MPDZ: variants seen among roughly 807,000 people sequenced by gnomAD.
MPDZ encodes multiple PDZ domain protein.
MPDZ carries 234 observed loss-of-function variants against 239.1 expected under a neutral mutation model. The observed-to-expected ratio is 0.98, with a 90% CI of 0.88 to 1.09. The LOEUF (loss-of-function observed/expected upper bound fraction) is 1.09. Ranked by LOEUF, MPDZ falls within the 50% of genes least tolerant of loss-of-function variation. The pLI is 0.00. For missense variants in MPDZ, 3,175 were observed against 2,510.0 expected (o/e 1.26, Z -5.66); for synonymous variants, 1,048 against 881.3 (o/e 1.19, Z -3.35).
In MPDZ at chr9:13,189,009, A is replaced by C. The variant is rs199687155; in HGVS notation, c.2155-16T>G. 6.2e-7 allele frequency: 1 copy of C among 1,605,784 alleles called. No individual in the cohort carries two copies. Among genetic ancestry groups the C allele is most frequent in the Non-Finnish European group, 8.5e-7 (1 of 1,174,426 alleles). The stretch of plus-strand genomic sequence containing the variant: ...CAATTGGATCCTGACAGAAGGCAAA[A>C]GGAAAGAGTCAGCTCATTTTACAAA... On this transcript the variant is annotated splice_polypyrimidine_tract_variant and intron_variant, in intron 16 of 46. Coordinates refer to ENST00000319217, the MANE Select transcript of MPDZ (RefSeq NM_001378778.1).
chr9:13,261,629 G>A (rs1457993405), intron 1 of MPDZ, among the ~76,000 whole-genome samples: 1 of 152,052 alleles, frequency 6.6e-6, no homozygotes, highest in African/African-American at 2.4e-5. Flanking sequence ...AAAGGGCAGG[G>A]AAGCTCCTAC....
intron 16 of MPDZ, 55 bp downstream of exon 16, chr9:13,190,059 T>A (rs1954684168): frequency 2.7e-6 from 4 of 1,494,322 alleles, no homozygotes. Context: ...CATCTGCTTT[T>A]TCTTTGATAG....
At chr9:13,121,631 C>G (rs1944363916) in intron 38 of MPDZ, 108 bp downstream of exon 38, 5 of 1,157,474 alleles carry the variant, frequency 4.3e-6, no homozygotes. Flanking sequence ...CAGCTACCTA[C>G]TGAACACTAG....
chr9:13,165,418 G>A (rs1950955742), intron 22 of MPDZ: 1 of 1,549,006 alleles, frequency 6.5e-7, no homozygotes, highest in Non-Finnish European at 8.7e-7. Flanking sequence ...TCTAGAATGT[G>A]AAGCATACGC....
chr9:13,117,392 G>A lies in MPDZ; in HGVS notation c.5380-2058C>T, dbSNP rs1040755854. ...CAAAAATACAAAAAATTAGCTGGGC[G>A]TGGTGGCAGGCGCCTGTAGTCCCAG... On this transcript the variant is annotated intron_variant, in intron 39 of 46. Transcript: ENST00000319217. Among the ~76,000 whole-genome samples, 10 of 151,982 alleles carry A rather than the reference G, an allele frequency of 6.6e-5. No homozygotes were observed. The South Asian group carries it at 1.0e-3, about 16-fold the overall frequency.
intron 21 of MPDZ, among the ~76,000 whole-genome samples, chr9:13,171,209 C>G (rs1224890586): frequency 6.6e-6 from 1 of 152,098 alleles, no homozygotes; most frequent in Non-Finnish European, 1.5e-5. Flanking sequence ...AAAATTTAGT[C>G]ACAAAACTAA....
chr9:13,129,715 G>T (rs1029982912), intron 32 of MPDZ, among the ~76,000 whole-genome samples: 3 of 151,832 alleles, frequency 2.0e-5, no homozygotes, highest in South Asian at 2.1e-4. Context: ...ATTTTTGTGG[G>T]TTTTTTTCTG....
chr9:13,168,478 T>C lies in MPDZ; in HGVS notation c.3142A>G (p.Ile1048Val). Residue 1048 changes from isoleucine to valine, a missense_variant, in exon 22 of 47, where the codon ATT becomes GTT. Ile to Val is a conservative substitution (Grantham distance 29). Coordinates refer to ENST00000319217, the MANE Select transcript of MPDZ (RefSeq NM_001378778.1). Reference sequence around the variant, plus strand: ...GACAAGATGCAGTCCCCAATGGCAATCCGGCCATCTCGACTAATGGCACCT... The same window carrying C: ...GACAAGATGCAGTCCCCAATGGCAACCCGGCCATCTCGACTAATGGCACCT... ...HGGAISRDGR[I>V]AIGDCILSIN... The C allele has an allele frequency of 1.2e-6, 2 of 1,613,494 alleles. No homozygotes were observed. Among genetic ancestry groups the C allele is most frequent in the South Asian group, 2.2e-5 (2 of 91,046 alleles).
In MPDZ at chr9:13,221,485, T is replaced by C. The variant is rs759250710; in HGVS notation, c.763A>G (p.Met255Val). 18 of 1,610,604 alleles carry C rather than the reference T, an allele frequency of 1.1e-5. No homozygotes were observed. Among genetic ancestry groups the C allele is most frequent in the South Asian group, 7.7e-5 (7 of 90,780 alleles). The part of the protein sequence containing the change: ...AHSNPVHWQH[M>V]ETIELVNDGS... ...TCATTCACCAATTCAATCGTTTCCA[T>C]GTGTTGCCAGTGAACCTACAAACAA... Residue 255 changes from methionine to valine, a missense_variant, in exon 7 of 47, where the codon ATG (methionine) becomes GTG (valine). Transcript: ENST00000319217.
intron 3 of MPDZ, among the ~76,000 whole-genome samples, chr9:13,241,656 A>G (rs1447446547): frequency 6.6e-6 from 1 of 152,230 alleles, no homozygotes; most frequent in African/African-American, 2.4e-5. Flanking sequence ...CAAACAAAAC[A>G]GTATCTTTCT....
At chr9:13,250,188 A>T in intron 2 of MPDZ, 112 bp downstream of exon 2, 1 of 1,000,116 alleles carries the variant, frequency 1.0e-6, no homozygotes, top group Non-Finnish European at 1.5e-6. Flanking sequence ...AAACTTTTTA[A>T]ATCTAGATAC....
At chr9:13,184,461 G>T (rs1041945760) in intron 18 of MPDZ, among the ~76,000 whole-genome samples, 1 of 151,690 alleles carries the variant, frequency 6.6e-6, no homozygotes, top group African/African-American at 2.4e-5. Flanking sequence ...GGAGAAGTTA[G>T]AAGAATTATA....
chr9:13,220,419 G>A (rs1036268750), intron 7 of MPDZ, among the ~76,000 whole-genome samples: 2 of 151,924 alleles, frequency 1.3e-5, no homozygotes, highest in Non-Finnish European at 2.9e-5. Context: ...CTGAGAAGCT[G>A]AACTTGTAAT....
intron 12 of MPDZ, among the ~76,000 whole-genome samples, chr9:13,202,679 G>T (rs1054316486): frequency 1.3e-5 from 2 of 152,182 alleles, no homozygotes; most frequent in African/African-American, 4.8e-5. Context: ...TGGAGAGAAT[G>T]AATGTCTACC....
At position 13,222,286 on chromosome 9, in the gene MPDZ, T is replaced by C. The variant is rs200362856; in HGVS notation, c.694A>G (p.Ile232Val). 54 of 1,612,846 alleles carry C rather than the reference T, an allele frequency of 3.3e-5. No individual in the cohort carries two copies. The highest frequency in any genetic ancestry group is 1.3e-4 in the South Asian group (12 of 91,036). ...RGSLPQLVSP[I>V]VSRSPSAAST... is the part of the protein sequence containing the mutation. ...GCTGCAGATGGAGAACGGGAAACTA[T>C]GGGGCTGACAAGCTGAGGCAATGAG... is the stretch of plus-strand genomic sequence containing the variant. The change falls in exon 6 of 47, where the codon ATA becomes GTA. Residue 232 changes from isoleucine to valine, a missense_variant. Transcript: ENST00000319217.
chr9:13,143,709 A>G, intron 26 of MPDZ, 145 bp from the exon 27 acceptor site: 1 of 674,902 alleles, frequency 1.5e-6, no homozygotes. Flanking sequence ...CAACATCTTA[A>G]AACAGTCTGG....
intron 1 of MPDZ, among the ~76,000 whole-genome samples, chr9:13,257,059 C>G (rs1161455467): frequency 6.6e-6 from 1 of 152,110 alleles, no homozygotes; most frequent in Non-Finnish European, 1.5e-5. Context: ...AAATCTGGTA[C>G]AGAAAAAATA....
Position 13,147,628 on chromosome 9 carries a change from G to A in MPDZ, c.3661C>T (p.His1221Tyr). 6.2e-7 allele frequency: 1 copy of A among 1,612,206 alleles called. No homozygotes were observed. The highest frequency in any genetic ancestry group is 8.5e-7 in the Non-Finnish European group (1 of 1,178,730). ...CGAATGGCTTCCACAGCTTGTTCAT[G>A]GCTTGCATCTCTGAGGTCCATTCCA... The part of the protein sequence containing the change: ...VDGMDLRDAS[H>Y]EQAVEAIRKA... Residue 1221 changes from histidine (H) to tyrosine (Y), a missense_variant, in exon 26 of 47, where the codon CAT becomes TAT. Physicochemically the swap from His to Tyr is moderately conservative, Grantham distance 83. Coordinates refer to ENST00000319217, the MANE Select transcript of MPDZ (RefSeq NM_001378778.1).
intron 35 of MPDZ, among the ~76,000 whole-genome samples, chr9:13,124,747 G>A (rs1035811776): frequency 3.3e-5 from 5 of 152,130 alleles, no homozygotes; most frequent in African/African-American, 1.2e-4. Flanking sequence ...GTGGCAGGCA[G>A]TACTGATCCC....
Sources: allele counts gnomAD v4.1 joint callset (sites outside exome capture counted in the v4.1 genomes callset), GRCh38; gene constraint gnomAD v4.1.1; transcripts MANE v1.5; gene names NCBI Gene and HGNC (gene_info 2026-07-23, HGNC 2026-07-21).